RBFOX1: variants seen among roughly 807,000 people sequenced by gnomAD.
RBFOX1 encodes RNA binding protein fox-1 homolog 1.
RBFOX1 carries 8 observed loss-of-function variants against 57.7 expected under a neutral mutation model. The ratio of observed to expected loss-of-function variants is 0.14; its 90% confidence interval spans 0.08 to 0.25. The LOEUF is 0.25. Ranked by LOEUF, RBFOX1 falls within the 10% of genes least tolerant of loss-of-function variation. The pLI, the probability that RBFOX1 is intolerant of heterozygous loss-of-function variation, is 1.00. For missense variants in RBFOX1, 611 were observed against 548.5 expected, an observed-to-expected ratio of 1.11 and a Z score of -1.14; for synonymous variants, 326 against 222.4, an observed-to-expected ratio of 1.47 and a Z score of -4.15.
At chr16:5,302,809 C>T (rs1216221212) in intron 1 of RBFOX1, among the ~76,000 whole-genome samples, 2 of 152,044 alleles carry the variant, frequency 1.3e-5, no homozygotes, top group African/African-American at 4.8e-5. Context: ...TTAGTTTAAT[C>T]TTTATGTGTT....
intron 4 of RBFOX1, among the ~76,000 whole-genome samples, chr16:7,055,093 G>A (rs542077085): frequency 1.3e-5 from 2 of 152,120 alleles, no homozygotes; most frequent in East Asian, 3.9e-4. Flanking sequence ...TCTTTAAAAT[G>A]ATCATATGAT....
chr16:7,089,913 C>CA (rs5815364), intron 4 of RBFOX1, among the ~76,000 whole-genome samples: 126,831 of 149,954 alleles, frequency 0.85, 53,666 homozygotes, highest in South Asian at 0.91. Flanking sequence ...TTTCTGCATT[C>CA]AAAAAAAAAA....
At chr16:5,464,634 CGCCACGAGAGGCCTCCTCTGTTTGT>C (rs1567550184) in intron 1 of RBFOX1, among the ~76,000 whole-genome samples, 1 of 151,284 alleles carries the variant, frequency 6.6e-6, no homozygotes, top group Non-Finnish European at 1.5e-5. Flanking sequence ...GACTGTAGGG[CGCCACGAGAGGCCTCCTCTGTTTGT>C]GCCCCATCAT....
At chr16:6,976,011 C>G (rs2086750261) in intron 3 of RBFOX1, among the ~76,000 whole-genome samples, 1 of 151,970 alleles carries the variant, frequency 6.6e-6, no homozygotes, top group Admixed American at 6.6e-5. Flanking sequence ...CCTGTAATCT[C>G]AGCTATTTGA....
At position 6,529,734 on chromosome 16, in the gene RBFOX1, G is replaced by A. The variant is rs143711049; in HGVS notation, c.-63-124869G>A. ...TTGCATAGACTCCACAACACGTACG[G>A]AAGAAGGTGTTTAAAGTTCTACAAA... On this transcript the variant is annotated intron_variant, in intron 2 of 15. Transcript: ENST00000550418. Among the ~76,000 whole-genome samples, 76 of 152,100 alleles carry A rather than the reference G, an allele frequency of 5.0e-4. No homozygotes were observed. The East Asian group carries it at 0.014, about 28-fold the overall frequency.
chr16:5,278,551 G>C (rs917967424), intron 1 of RBFOX1, among the ~76,000 whole-genome samples: 1 of 152,056 alleles, frequency 6.6e-6, no homozygotes, highest in African/African-American at 2.4e-5. Context: ...GTAAGGGAGG[G>C]GTGTTGTCTT....
chr16:7,167,054 C>T (rs1488165528), intron 4 of RBFOX1, among the ~76,000 whole-genome samples: 3 of 124,778 alleles, frequency 2.4e-5, no homozygotes, highest in Non-Finnish European at 4.7e-5. Context: ...GGTGTGATCT[C>T]AGCTCGCTGC....
intron 13 of RBFOX1, among the ~76,000 whole-genome samples, chr16:7,671,121 T>G (rs566414451): frequency 6.6e-6 from 1 of 152,218 alleles, no homozygotes; most frequent in Non-Finnish European, 1.5e-5. Context: ...TATGCAGTTA[T>G]GGTTGCTACT....
chr16:6,601,801 G>C (rs1040701109), intron 2 of RBFOX1, among the ~76,000 whole-genome samples: 15 of 152,198 alleles, frequency 9.9e-5, no homozygotes, highest in Non-Finnish European at 1.9e-4. Context: ...ACCTTGCTCA[G>C]CCAACTAGTG....
rs567674624 is a variant in RBFOX1 at position 6,350,677 on chromosome 16, T to G, written c.-64+33620T>G. On this transcript the variant is annotated intron_variant, in intron 2 of 15. Coordinates refer to ENST00000550418, the MANE Select transcript of RBFOX1 (RefSeq NM_018723.4). ...TCTGTTGATAATCACCACCCTCTTG[T>G]GAGTAATTACTAGGTCCTAAAGCAT... Among the ~76,000 whole-genome samples, 261 of 152,252 alleles carry G rather than the reference T, an allele frequency of 1.7e-3. 2 individuals carry two copies. The highest frequency in any genetic ancestry group is 5.9e-3 in the African/African-American group (246 of 41,544).
At chr16:5,617,574 G>A (rs1159278423) in intron 3 of RBFOX1, among the ~76,000 whole-genome samples, 2 of 152,182 alleles carry the variant, frequency 1.3e-5, no homozygotes, top group Non-Finnish European at 2.9e-5. Flanking sequence ...AAAAAGACAG[G>A]TGCATATGTC....
At position 6,986,558 on chromosome 16, in the gene RBFOX1, C is replaced by T. The variant is rs576807570; in HGVS notation, c.-15-65499C>T. On this transcript the variant is annotated intron_variant, in intron 3 of 15. Coordinates refer to ENST00000550418, the MANE Select transcript of RBFOX1 (RefSeq NM_018723.4). ...TCACCTGCCTTGGCTTCCCAAAGTG[C>T]TGGGATTGTAGGCATGAGCTCCTGG... Among the ~76,000 whole-genome samples the T allele has an allele frequency of 4.6e-5, 7 of 152,292 alleles. No individual in the cohort carries two copies. The South Asian group carries it at 1.4e-3, about 32-fold the overall frequency.
At chr16:7,391,398 T>A (rs2098017662) in intron 4 of RBFOX1, among the ~76,000 whole-genome samples, 1 of 152,206 alleles carries the variant, frequency 6.6e-6, no homozygotes, top group African/African-American at 2.4e-5. Context: ...GCTGGGTACC[T>A]GCCTCCCTCT....
chr16:6,615,713 C>G (rs894647982), intron 2 of RBFOX1, among the ~76,000 whole-genome samples: 3 of 152,176 alleles, frequency 2.0e-5, no homozygotes, highest in African/African-American at 2.4e-5. Context: ...AATGCAAACA[C>G]TTGTATTTCC....
intron 3 of RBFOX1, among the ~76,000 whole-genome samples, chr16:5,681,000 A>G (rs1469206569): frequency 1.3e-5 from 2 of 152,140 alleles, no homozygotes; most frequent in African/African-American, 4.8e-5. Flanking sequence ...CATAAAAGAA[A>G]GAAGGTAAAA....
At chr16:5,759,148 G>T (rs1597132355) in intron 3 of RBFOX1, among the ~76,000 whole-genome samples, 1 of 152,286 alleles carries the variant, frequency 6.6e-6, no homozygotes, top group East Asian at 1.9e-4. Context: ...ATTTTTGGCA[G>T]TATCAGTAGG....
chr16:5,453,322 G>C (rs9921596), intron 1 of RBFOX1, among the ~76,000 whole-genome samples: 36,715 of 152,058 alleles, frequency 0.24, 5,286 homozygotes, highest in African/African-American at 0.41. Context: ...GGAAGAAAAT[G>C]CAGGGTGATA....
At chr16:6,988,745 TTGTTTG>T (rs200307691) in intron 3 of RBFOX1, among the ~76,000 whole-genome samples, 18,011 of 54,490 alleles carry the variant, frequency 0.33, 1,548 homozygotes, top group East Asian at 0.42. Flanking sequence ...TTTTTTTTGT[TTGTTTG>T]TTTTTTGTTT....
chr16:7,682,293 A>G (rs1326129274), intron 14 of RBFOX1, among the ~76,000 whole-genome samples: 1 of 152,124 alleles, frequency 6.6e-6, no homozygotes, highest in Non-Finnish European at 1.5e-5. Context: ...TAGTGAGAGC[A>G]TTGTAAAACA....
Sources: gnomAD v4.1 joint callset for allele counts (sites outside exome capture counted in the v4.1 genomes callset) on GRCh38, gnomAD v4.1.1 for gene constraint, MANE v1.5 for transcripts, NCBI Gene and HGNC (gene_info 2026-07-23, HGNC 2026-07-21) for gene names.